The following NDUFA5 variants were observed in gnomAD, a reference collection of about 807,000 sequenced individuals.
NDUFA5 encodes the protein NADH dehydrogenase [ubiquinone] 1 alpha subcomplex subunit 5.
A neutral mutation model predicts 19.8 loss-of-function variants in NDUFA5; 11 were observed. The observed-to-expected ratio is 0.56, with a 90% CI of 0.35 to 0.92. NDUFA5 has a LOEUF of 0.92. Ranked by LOEUF, NDUFA5 falls within the 40% of genes least tolerant of loss-of-function variation. NDUFA5 has a pLI of 0.01. For missense variants in NDUFA5, 109 were observed against 134.2 expected, an observed-to-expected ratio of 0.81 and a Z score of 0.93; for synonymous variants, 47 against 46.8, an observed-to-expected ratio of 1.00 and a Z score of -0.01.
At chr7:123,592,083 C>A in the NDUFA5 span, among the ~76,000 whole-genome samples, 2 of 152,008 alleles carry the variant, frequency 1.3e-5, no homozygotes, top group Non-Finnish European at 2.9e-5. Flanking sequence ...TAGTTTATTT[C>A]TGTAGAGGTG....
chr7:123,549,383 T>A (rs370412429), intron 3 of NDUFA5, among the ~76,000 whole-genome samples: 37 of 152,196 alleles, frequency 2.4e-4, no homozygotes, highest in African/African-American at 8.9e-4. Context: ...AAAACAAAAA[T>A]AGGACAATAA....
At chr7:123,569,486 C>T in the NDUFA5 span, among the ~76,000 whole-genome samples, 1,039 of 152,210 alleles carry the variant, frequency 6.8e-3, 13 homozygotes, top group African/African-American at 0.024. Flanking sequence ...CCTTAAAATG[C>T]TATTGCATGC....
Position 123,542,165 on chromosome 7 carries a change from G to A in NDUFA5, c.305C>T (p.Pro102Leu). The A allele has an allele frequency of 1.2e-6, 2 of 1,611,650 alleles. No individual in the cohort carries two copies. Among genetic ancestry groups the A allele is most frequent in the Non-Finnish European group, 1.7e-6 (2 of 1,179,012 alleles). ...ATCGGCAGGAGGCTCTTCCACTAATGGCTCCCATAGTTTCCATTCCCTCAT... is the reference window on the plus strand; with the variant it reads ...ATCGGCAGGAGGCTCTTCCACTAATAGCTCCCATAGTTTCCATTCCCTCAT... ...RKMREWKLWE[P>L]LVEEPPADQW... Residue 102 changes from proline (P) to leucine (L), a missense_variant, in exon 5 of 5, where the codon CCA becomes CTA. Physicochemically the swap from Pro to Leu is moderately conservative, Grantham distance 98. Coordinates refer to ENST00000355749, the MANE Select transcript of NDUFA5 (RefSeq NM_005000.5).
At chr7:123,589,931 C>T in the NDUFA5 span, among the ~76,000 whole-genome samples, 4 of 152,290 alleles carry the variant, frequency 2.6e-5, no homozygotes, top group African/African-American at 9.6e-5. Flanking sequence ...TTTACACTCC[C>T]ACCAACAGTG....
the NDUFA5 span, among the ~76,000 whole-genome samples, chr7:123,571,615 T>C: frequency 6.6e-6 from 1 of 152,176 alleles, no homozygotes; most frequent in Non-Finnish European, 1.5e-5. Context: ...TATCAAAAAA[T>C]ATAAACAGTT....
At position 123,540,890 on chromosome 7, in the gene NDUFA5, G is replaced by GCGCACACACACACACACACA; in HGVS notation, c.*1228_*1229insTGTGTGTGTGTGTGTGTGCG. 1 of 133,908 alleles carries GCGCACACACACACACACACA rather than the reference G, an allele frequency of 7.5e-6. No homozygotes were observed. The highest frequency in any genetic ancestry group is 3.0e-5 in the African/African-American group (1 of 33,894). The allele number at this position is 133,908 out of a possible 1,614,324, so 8.3% of individuals were successfully genotyped here. ...TCTGAGCAAATGTGCGCATGCGCGT[G>GCGCACACACACACACACACA]CACACACACACACACACACACACAC... On this transcript the variant is annotated 3_prime_UTR_variant, in exon 5 of 5. Coordinates refer to ENST00000355749, the MANE Select transcript of NDUFA5 (RefSeq NM_005000.5).
intron 2 of NDUFA5, among the ~76,000 whole-genome samples, chr7:123,551,952 T>A (rs993388489): frequency 1.3e-5 from 2 of 152,162 alleles, no homozygotes; most frequent in Non-Finnish European, 2.9e-5. Flanking sequence ...AACAGGGGAC[T>A]ATTAATATAG....
chr7:123,592,397 T>C, the NDUFA5 span, among the ~76,000 whole-genome samples: 1 of 152,232 alleles, frequency 6.6e-6, no homozygotes. Context: ...TTTTAGATCT[T>C]TCCTGCTTTC....
chr7:123,541,136 T>G lies in NDUFA5; in HGVS notation c.*983A>C, dbSNP rs1217548106. On this transcript the variant is annotated 3_prime_UTR_variant, in exon 5 of 5. Transcript: ENST00000355749. ...TTTTGATACCCACCTACACTTATAT[T>G]AGAAACGTACTGCAAACTATTTAGT... 6.6e-6 allele frequency: 1 copy of G among 152,210 alleles called. No individual in the cohort carries two copies. Among genetic ancestry groups the G allele is most frequent in the African/African-American group, 2.4e-5 (1 of 41,444 alleles). The allele number at this position is 152,210 out of a possible 1,614,324, so 9.4% of individuals were successfully genotyped here.
At chr7:123,573,589 GT>G in the NDUFA5 span, among the ~76,000 whole-genome samples, 2 of 152,006 alleles carry the variant, frequency 1.3e-5, no homozygotes, top group Non-Finnish European at 2.9e-5. Context: ...AAACACTCCA[GT>G]TTATAAGAGC....
the NDUFA5 span, among the ~76,000 whole-genome samples, chr7:123,575,741 T>C: frequency 6.6e-6 from 1 of 151,912 alleles, no homozygotes; most frequent in Non-Finnish European, 1.5e-5. Flanking sequence ...AGTGATGCTT[T>C]GGAAAAATAT....
chr7:123,596,178 A>C, the NDUFA5 span, among the ~76,000 whole-genome samples: 1 of 152,158 alleles, frequency 6.6e-6, no homozygotes. Flanking sequence ...TGGAAAAAAA[A>C]ATTGGGGGGA....
chr7:123,571,971 C>T, the NDUFA5 span, among the ~76,000 whole-genome samples: 2 of 151,740 alleles, frequency 1.3e-5, no homozygotes, highest in Non-Finnish European at 2.9e-5. Context: ...GGAGGTCTCA[C>T]TACATCTTTT....
rs192168999 is a variant in NDUFA5 at position 123,541,600 on chromosome 7, A to G, written c.*519T>C. 2 of 152,362 alleles carry G rather than the reference A, an allele frequency of 1.3e-5. No individual in the cohort carries two copies. Among genetic ancestry groups the G allele is most frequent in the African/African-American group, 4.8e-5 (2 of 41,596 alleles). The allele number at this position is 152,362 out of a possible 1,614,324, so 9.4% of individuals were successfully genotyped here. A position where few individuals can be genotyped will look rare whatever the true frequency, so the allele number is the denominator to read the frequency against. ...TAATTATCTATTTAAATTTCACTTT[A>G]CATACATAAGATCACAGCTGAGGTT... On this transcript the variant is annotated 3_prime_UTR_variant, in exon 5 of 5. Transcript: ENST00000355749.
At chr7:123,544,027 T>G (rs1430490893) in intron 4 of NDUFA5, among the ~76,000 whole-genome samples, 1 of 152,232 alleles carries the variant, frequency 6.6e-6, no homozygotes, top group East Asian at 1.9e-4. Context: ...TATTTCCTTT[T>G]ATCTGTCCTT....
At chr7:123,595,910 C>CTCAGATTGGTTTATATTAAA in the NDUFA5 span, among the ~76,000 whole-genome samples, 1 of 152,122 alleles carries the variant, frequency 6.6e-6, no homozygotes, top group Non-Finnish European at 1.5e-5. Context: ...AACCTCAAAA[C>CTCAGATTGGTTTATATTAAA]TCAATCTGAT....
rs1797783242 is a variant in NDUFA5 at position 123,537,370 on chromosome 7, A to C, written c.*4749T>G. Reference sequence around the variant, plus strand: ...TAATTTAGAAAACTAAGGACCTGAAAATTTTTGTTTTGGAAATTATTTAGA... The same window carrying C: ...TAATTTAGAAAACTAAGGACCTGAACATTTTTGTTTTGGAAATTATTTAGA... On this transcript the variant is annotated 3_prime_UTR_variant, in exon 5 of 5. Coordinates refer to ENST00000355749, the MANE Select transcript of NDUFA5 (RefSeq NM_005000.5). 1 of 152,166 alleles carries C rather than the reference A, an allele frequency of 6.6e-6. No individual in the cohort carries two copies. The highest frequency in any genetic ancestry group is 1.5e-5 in the Non-Finnish European group (1 of 68,010). 9.4% of individuals were successfully genotyped at this position (152,166 alleles called of 1,614,324 possible). A position where few individuals can be genotyped will look rare whatever the true frequency, so the allele number is the denominator to read the frequency against.
intron 2 of NDUFA5, 58 bp from the exon 3 acceptor site, chr7:123,550,644 G>T: frequency 3.1e-6 from 3 of 982,246 alleles, no homozygotes; most frequent in South Asian, 1.4e-5. Context: ...AGACTTAATG[G>T]AACACTTGTC....
At chr7:123,581,434 G>GTAC in the NDUFA5 span, among the ~76,000 whole-genome samples, 64 of 124,434 alleles carry the variant, frequency 5.1e-4, no homozygotes, top group African/African-American at 1.8e-3. Context: ...AAAAAAAAAG[G>GTAC]TACTCTCCAG....
Sources: gnomAD v4.1 joint callset for allele counts (sites outside exome capture counted in the v4.1 genomes callset) on GRCh38, gnomAD v4.1.1 for gene constraint, MANE v1.5 for transcripts, NCBI Gene and HGNC (gene_info 2026-07-23, HGNC 2026-07-21) for gene names.